Variants in CDH13 observed in about 807,000 individuals in gnomAD.
CDH13 encodes cadherin-13.
Under a neutral mutation model 63.8 loss-of-function variants are expected in CDH13, and 24 were observed. The observed-to-expected ratio is 0.38, with a 90% confidence interval of 0.27 to 0.53. The LOEUF (loss-of-function observed/expected upper bound fraction) is 0.53, where lower values mean the gene tolerates loss of function less well. Among genes scored for constraint, CDH13 ranks in the 20% least tolerant of loss-of-function variants. The probability of loss-of-function intolerance (pLI) is 0.85; values close to 1 mark genes in which losing one functional copy is unlikely to be tolerated. For synonymous variants in CDH13, 503 were observed against 355.3 expected, an observed-to-expected ratio of 1.42 and a Z score of -4.67; for missense variants, 1,049 against 903.1, an observed-to-expected ratio of 1.16 and a Z score of -2.07.
intron 2 of CDH13, among the ~76,000 whole-genome samples, chr16:82,981,849 C>T (rs1167268345): frequency 3.3e-5 from 5 of 152,176 alleles, no homozygotes; most frequent in Non-Finnish European, 7.3e-5. Flanking sequence ...AATGACCATT[C>T]ACAGTGTATG....
chr16:83,146,548 C>A (rs1008273834), intron 4 of CDH13, among the ~76,000 whole-genome samples: 21 of 152,226 alleles, frequency 1.4e-4, no homozygotes, highest in African/African-American at 5.1e-4. Flanking sequence ...CTATATCTGT[C>A]ATTTTTTGTT....
chr16:83,678,869 A>G (rs774712209), intron 10 of CDH13, among the ~76,000 whole-genome samples: 41 of 152,192 alleles, frequency 2.7e-4, no homozygotes, highest in Non-Finnish European at 5.3e-4. Flanking sequence ...AGATACAGGT[A>G]TTGTGGATTC....
At chr16:83,754,098 C>T (rs1913311778) in intron 11 of CDH13, among the ~76,000 whole-genome samples, 1 of 152,126 alleles carries the variant, frequency 6.6e-6, no homozygotes, top group Non-Finnish European at 1.5e-5. Context: ...TGAGGGGCTG[C>T]TTTTCCTCTG....
chr16:83,654,907 G>A lies in CDH13; in HGVS notation c.1102-15883G>A, dbSNP rs573061921. 7 of 152,356 alleles carry A rather than the reference G, an allele frequency of 4.6e-5. No individual in the cohort carries two copies. The East Asian group carries it at 1.2e-3, about 25-fold the overall frequency. The allele number at this position is 152,356 out of a possible 1,614,324, so 9.4% of individuals were successfully genotyped here. A position where few individuals can be genotyped will look rare whatever the true frequency, so the allele number is the denominator to read the frequency against. On this transcript the variant is annotated intron_variant, in intron 8 of 13. Transcript: ENST00000567109. ...GGCTCCAGGTACTACTCCTCCAGGC[G>A]GGCTGCTCCCTGGGGCACGTGTTCT...
chr16:83,368,884 T>TTTTATATATA (rs1491400736), intron 6 of CDH13, among the ~76,000 whole-genome samples: 5 of 47,686 alleles, frequency 1.0e-4, no homozygotes, highest in Non-Finnish European at 1.7e-4. Flanking sequence ...GTATTCCATG[T>TTTTATATATA]TATATATATA....
chr16:83,388,877 G>A (rs8047049), intron 6 of CDH13, among the ~76,000 whole-genome samples: 107 of 152,282 alleles, frequency 7.0e-4, no homozygotes, highest in African/African-American at 2.0e-3. Context: ...AGAATCTGCC[G>A]TTTAATAAGA....
At chr16:82,849,116 G>T (rs1377188377) in intron 1 of CDH13, among the ~76,000 whole-genome samples, 2 of 152,194 alleles carry the variant, frequency 1.3e-5, no homozygotes, top group East Asian at 1.9e-4. Flanking sequence ...TTTTCTGAAG[G>T]CTGAGAGGTG....
chr16:83,464,381 A>G (rs756391222), intron 6 of CDH13, among the ~76,000 whole-genome samples: 2 of 152,110 alleles, frequency 1.3e-5, no homozygotes, highest in Non-Finnish European at 2.9e-5. Flanking sequence ...GCGTGATGGC[A>G]CATCCCTGTA....
At chr16:82,874,041 A>C (rs1386260330) in intron 2 of CDH13, among the ~76,000 whole-genome samples, 1 of 118,072 alleles carries the variant, frequency 8.5e-6, no homozygotes, top group East Asian at 2.8e-4. Flanking sequence ...GGAATTTAGA[A>C]AGATAATAAG....
chr16:83,000,561 T>G (rs1300693640), intron 2 of CDH13, among the ~76,000 whole-genome samples: 1 of 145,616 alleles, frequency 6.9e-6, no homozygotes. Context: ...AGGTTGTCTC[T>G]TTTTTCTTTT....
chr16:83,312,434 A>G (rs1432691510), intron 5 of CDH13, among the ~76,000 whole-genome samples: 2 of 152,344 alleles, frequency 1.3e-5, no homozygotes, highest in East Asian at 3.9e-4. Context: ...CCCAGCGAGC[A>G]TACTGTCTCT....
Position 83,344,974 on chromosome 16 carries a change from A to C in CDH13, c.749A>C (p.Tyr250Ser), listed in dbSNP as rs1301082649. The C allele has an allele frequency of 6.2e-7, 1 of 1,613,978 alleles. No individual in the cohort carries two copies. The highest frequency in any genetic ancestry group is 8.5e-7 in the Non-Finnish European group (1 of 1,179,840). The change falls in exon 6 of 14, where the codon TAC becomes TCC. Residue 250 changes from tyrosine to serine, a missense_variant. Transcript: ENST00000567109. ...CGACCGATCTTTCGGGAAGGCCCCT[A>C]CATCGGCCACGTCATGGAAGGGTCA... The part of the protein sequence containing the change: ...DNRPIFREGP[Y>S]IGHVMEGSPT...
chr16:82,668,041 A>G (rs1912810738), intron 1 of CDH13, among the ~76,000 whole-genome samples: 1 of 152,070 alleles, frequency 6.6e-6, no homozygotes, highest in Non-Finnish European at 1.5e-5. Flanking sequence ...ATCTTTAGAG[A>G]TTATCTGTGT....
intron 1 of CDH13, among the ~76,000 whole-genome samples, chr16:82,810,508 G>C (rs1054749442): frequency 6.6e-6 from 1 of 152,160 alleles, no homozygotes; most frequent in Non-Finnish European, 1.5e-5. Flanking sequence ...CTTTGGCCTG[G>C]AATGAGAGAT....
chr16:83,244,677 T>G (rs1005836764), intron 5 of CDH13, among the ~76,000 whole-genome samples: 1 of 152,028 alleles, frequency 6.6e-6, no homozygotes, highest in Non-Finnish European at 1.5e-5. Flanking sequence ...TTTGTTACAG[T>G]GAAAAGATTC....
intron 1 of CDH13, among the ~76,000 whole-genome samples, chr16:82,751,317 T>C (rs74337496): frequency 0.015 from 2,302 of 152,274 alleles, 57 homozygotes; most frequent in African/African-American, 0.053. Context: ...ATAGATTTTT[T>C]TTTGTGTTTT....
chr16:83,161,532 G>C (rs2037442476), intron 4 of CDH13, among the ~76,000 whole-genome samples: 1 of 152,122 alleles, frequency 6.6e-6, no homozygotes, highest in Admixed American at 6.5e-5. Context: ...AGTTCAAGCA[G>C]TGCAAATACT....
intron 4 of CDH13, among the ~76,000 whole-genome samples, chr16:83,167,791 A>G (rs2037746345): frequency 6.6e-6 from 1 of 151,988 alleles, no homozygotes; most frequent in African/African-American, 2.4e-5. Flanking sequence ...AAGGCATAGA[A>G]TCAACCTAGG....
At chr16:83,600,618 G>A (rs754212514) in intron 7 of CDH13, among the ~76,000 whole-genome samples, 1 of 152,076 alleles carries the variant, frequency 6.6e-6, no homozygotes. Flanking sequence ...CTTAATTATT[G>A]GTTGGTATAA....
Sources: allele counts gnomAD v4.1 joint callset (sites outside exome capture counted in the v4.1 genomes callset), GRCh38; gene constraint gnomAD v4.1.1; transcripts MANE v1.5; gene names NCBI Gene and HGNC (gene_info 2026-07-23, HGNC 2026-07-21).